Variants in COL4A4 observed in about 807,000 individuals in gnomAD.
COL4A4 encodes collagen alpha-4(IV) chain.
In COL4A4, 105 loss-of-function variants were observed where a neutral mutation model predicts 192.9. The ratio of observed to expected loss-of-function variants is 0.54; its 90% CI spans 0.46 to 0.64. The LOEUF is 0.64. Ranked by LOEUF, COL4A4 falls within the 30% of genes least tolerant of loss-of-function variation. The probability of loss-of-function intolerance (pLI) is 0.00; values close to 1 mark genes in which losing one functional copy is unlikely to be tolerated. For synonymous variants in COL4A4, 762 were observed against 769.9 expected (o/e 0.99, Z 0.17); for missense variants, 1,967 against 2,169.3 (o/e 0.91, Z 1.85).
intron 35 of COL4A4, among the ~76,000 whole-genome samples, chr2:227,043,464 G>A (rs1403826414): frequency 6.6e-6 from 1 of 152,112 alleles, no homozygotes; most frequent in East Asian, 1.9e-4. Context: ...AATTTTCCAA[G>A]TTTATATTGG....
Position 227,056,066 on chromosome 2 carries a change from T to A in COL4A4, c.2595A>T (p.Pro865=), listed in dbSNP as rs774896355. The A allele has an allele frequency of 1.9e-6, 3 of 1,613,952 alleles. No homozygotes were observed. The highest frequency in any genetic ancestry group is 3.3e-5 in the Admixed American group (2 of 59,996). ...GTCCGGGGAGGCCTTTCATTCCAGC[T>A]GGCCCGGGAGGCCCCACATCTCCCG... ...GQPGDVGPPG[P]AGMKGLPGLP... is the part of the protein sequence containing the mutation. The change falls in exon 30 of 48, where the codon CCA becomes CCT. Residue 865 remains proline, a synonymous_variant. Transcript: ENST00000396625.
At chr2:227,073,989 A>G (rs1232999920) in intron 25 of COL4A4, among the ~76,000 whole-genome samples, 1 of 152,026 alleles carries the variant, frequency 6.6e-6, no homozygotes, top group Non-Finnish European at 1.5e-5. Flanking sequence ...TATTGGCCTC[A>G]GCAAAGAATT....
intron 26 of COL4A4, 59 bp from the exon 27 acceptor site, chr2:227,060,302 A>G: frequency 8.7e-7 from 1 of 1,148,158 alleles, no homozygotes; most frequent in Non-Finnish European, 1.3e-6. Context: ...TGTGAACAAA[A>G]TGAGATGATT....
intron 46 of COL4A4, among the ~76,000 whole-genome samples, chr2:227,009,711 GAGGAAAAGAGAAGAGAAGA>G (rs1963149101): frequency 4.7e-5 from 5 of 106,098 alleles, no homozygotes; most frequent in African/African-American, 2.1e-4. Flanking sequence ...AAAAAAAAAA[GAGGAAAAGAGAAGAGAAGA>G]GAAAAGAGAA....
Position 227,119,056 on chromosome 2 carries a change from CT to C in COL4A4, c.373-296del, listed in dbSNP as rs895755025. On this transcript the variant is annotated intron_variant, in intron 6 of 47. Coordinates refer to ENST00000396625, the MANE Select transcript of COL4A4 (RefSeq NM_000092.5). Reference sequence around the variant, plus strand: ...TGAATTATAAAGCCCCCACATACCTCTTTTTTTTTTTCCATTCCATTTTCAT... The same window carrying C: ...TGAATTATAAAGCCCCCACATACCTCTTTTTTTTTTCCATTCCATTTTCAT... Among the ~76,000 whole-genome samples, 300 of 146,322 alleles carry C rather than the reference CT, an allele frequency of 2.1e-3. 1 individual carries two copies. The highest frequency in any genetic ancestry group is 3.8e-3 in the African/African-American group (152 of 40,190).
rs149394584 is a variant in COL4A4 at position 227,139,056 on chromosome 2, G to A, written c.192+1105C>T. Among the ~76,000 whole-genome samples, 85 of 152,238 alleles carry A rather than the reference G, an allele frequency of 5.6e-4. No homozygotes were observed. The East Asian group carries it at 9.3e-3, about 17-fold the overall frequency. ...TATTTGGGAGGTAATTAATCAGAGC[G>A]GAGTAGTCATGAATTGGATGAATGC... On this transcript the variant is annotated intron_variant, in intron 4 of 47. Transcript: ENST00000396625.
chr2:227,083,301 A>G (rs75819419), intron 22 of COL4A4, among the ~76,000 whole-genome samples: 5,420 of 152,232 alleles, frequency 0.036, 335 homozygotes, highest in African/African-American at 0.12. Flanking sequence ...ACCATTATAG[A>G]AACACTATAC....
At chr2:227,156,047 C>A (rs2064310295) in intron 1 of COL4A4, among the ~76,000 whole-genome samples, 1 of 134,936 alleles carries the variant, frequency 7.4e-6, no homozygotes, top group Admixed American at 8.4e-5. Context: ...TCCTTCCTTT[C>A]TAATCTGCCA....
intron 32 of COL4A4, among the ~76,000 whole-genome samples, chr2:227,051,528 T>C (rs1248335792): frequency 2.0e-5 from 3 of 152,122 alleles, no homozygotes; most frequent in African/African-American, 7.2e-5. Context: ...AGCACACAAA[T>C]GGGGTTGTCA....
chr2:227,134,864 T>C (rs1019296288), intron 4 of COL4A4, among the ~76,000 whole-genome samples: 2 of 152,232 alleles, frequency 1.3e-5, no homozygotes, highest in African/African-American at 4.8e-5. Flanking sequence ...GTTTTGTTAA[T>C]TTTGCAATTG....
At chr2:227,035,681 C>T (rs1969513484) in intron 37 of COL4A4, among the ~76,000 whole-genome samples, 1 of 152,098 alleles carries the variant, frequency 6.6e-6, no homozygotes, top group Non-Finnish European at 1.5e-5. Context: ...ACACACAGAC[C>T]TTCTTTATCT....
intron 43 of COL4A4, among the ~76,000 whole-genome samples, chr2:227,024,100 T>C (rs949335825): frequency 6.6e-6 from 1 of 152,178 alleles, no homozygotes; most frequent in Non-Finnish European, 1.5e-5. Flanking sequence ...CAGCAGAGTC[T>C]GGATTGCAAT....
intron 1 of COL4A4, among the ~76,000 whole-genome samples, chr2:227,149,949 C>A (rs1358688803): frequency 1.3e-5 from 2 of 152,202 alleles, no homozygotes; most frequent in Non-Finnish European, 1.5e-5. Flanking sequence ...TGAAAGGACA[C>A]TGGGAGTAGC....
intron 36 of COL4A4, among the ~76,000 whole-genome samples, 195 bp from the exon 37 acceptor site, chr2:227,042,450 G>T (rs1182074212): frequency 6.6e-6 from 1 of 152,168 alleles, no homozygotes; most frequent in Non-Finnish European, 1.5e-5. Flanking sequence ...AATAAATGAA[G>T]TTGCCAACTA....
intron 20 of COL4A4, among the ~76,000 whole-genome samples, chr2:227,093,539 C>T (rs375350342): frequency 5.3e-5 from 8 of 151,994 alleles, no homozygotes; most frequent in African/African-American, 1.2e-4. Context: ...TCAAGGGTCC[C>T]GTGGCACCCA....
chr2:227,131,855 G>A (rs896671338), intron 4 of COL4A4, among the ~76,000 whole-genome samples: 11 of 152,288 alleles, frequency 7.2e-5, no homozygotes, highest in African/African-American at 2.2e-4. Context: ...AGACTGAAGT[G>A]AGGCCGCTAG....
At chr2:227,041,846 A>AAGAGAGAGAGAGAGAGAGAGAG (rs767450885) in intron 37 of COL4A4, among the ~76,000 whole-genome samples, 1 of 39,300 alleles carries the variant, frequency 2.5e-5, no homozygotes, top group African/African-American at 1.4e-4. Flanking sequence ...GAAAGAAAGA[A>AAGAGAGAGAGAGAGAGAGAGAG]AGAGAAAGAA....
At position 227,123,290 on chromosome 2, in the gene COL4A4, G is replaced by A. The variant is rs1289007590; in HGVS notation, c.193-2142C>T. Among the ~76,000 whole-genome samples the A allele has an allele frequency of 6.6e-6, 1 of 152,216 alleles. No homozygotes were observed. On this transcript the variant is annotated intron_variant, in intron 4 of 47. Transcript: ENST00000396625. This position sits in a 1 kb window ranked among gnomAD's most constrained non-coding sequence, Gnocchi z 4.6. ...CACAGTGTTATATGCAATAGCAAGA[G>A]AAACCGGAAATCCACGGGAAAGGCA... is the stretch of plus-strand genomic sequence containing the variant.
downstream of COL4A4, chr2:226,998,847 C>G (rs919015310): frequency 2.6e-5 from 4 of 152,210 alleles, no homozygotes; most frequent in African/African-American, 9.7e-5. Context: ...TGGACCTCAG[C>G]CCCATTTATC....
Sources: gnomAD v4.1 joint callset for allele counts (sites outside exome capture counted in the v4.1 genomes callset) on GRCh38, gnomAD v4.1.1 for gene constraint, Gnocchi (gnomAD v3.1) non-coding constraint, MANE v1.5 for transcripts, NCBI Gene and HGNC (gene_info 2026-07-23, HGNC 2026-07-21) for gene names.